Variants in WARS2 observed in about 807,000 individuals in gnomAD.
WARS2 encodes the protein tryptophan--tRNA ligase, mitochondrial.
Under a neutral mutation model 36.5 loss-of-function variants are expected in WARS2, and 28 were observed. That is an observed-to-expected ratio of 0.77 (90% CI 0.57 to 1.05). The LOEUF is 1.05. Ranked by LOEUF, WARS2 falls within the 50% of genes least tolerant of loss-of-function variation. The pLI, the probability that WARS2 is intolerant of heterozygous loss-of-function variation, is 0.00. For missense variants in WARS2, 435 were observed against 456.8 expected (o/e 0.95, Z 0.44); for synonymous variants, 174 against 178.4 (o/e 0.98, Z 0.20).
rs113752727 is a variant in WARS2, at chr1:119,088,435, A to AACACACACACACAC, written c.91-11842_91-11829dup. Among the ~76,000 whole-genome samples, 1,329 of 149,120 alleles carry AACACACACACACAC rather than the reference A, an allele frequency of 8.9e-3. 26 individuals carry two copies. Among genetic ancestry groups the AACACACACACACAC allele is most frequent in the East Asian group, 0.075 (373 of 4,986 alleles). ...CTGCCAACCTGCTAGGAAACACTGAAACACACACACACACACACACACACA... is the reference window on the plus strand; with the variant it reads ...CTGCCAACCTGCTAGGAAACACTGAAACACACACACACACACACACACACACACACACACACACA... On this transcript the variant is annotated intron_variant, in intron 1 of 5. Coordinates refer to ENST00000235521, the MANE Select transcript of WARS2 (RefSeq NM_015836.4).
chr1:119,115,304 G>T (rs140142325), intron 1 of WARS2, among the ~76,000 whole-genome samples: 1 of 151,940 alleles, frequency 6.6e-6, no homozygotes, highest in Non-Finnish European at 1.5e-5. Context: ...GTCTTTTTTT[G>T]AAGTCTATGA....
intron 1 of WARS2, among the ~76,000 whole-genome samples, chr1:119,079,965 A>G (rs1652064875): frequency 6.6e-6 from 1 of 152,158 alleles, no homozygotes; most frequent in South Asian, 2.1e-4. Flanking sequence ...TTCCTACTTG[A>G]GAATTGAGAG....
chr1:119,048,786 C>G (rs1649075593), intron 2 of WARS2, among the ~76,000 whole-genome samples: 1 of 149,590 alleles, frequency 6.7e-6, no homozygotes, highest in Non-Finnish European at 1.5e-5. Flanking sequence ...CAAGACCCGG[C>G]CAGGCGCGGT....
chr1:119,138,727 A>G (rs1033695529), intron 1 of WARS2, among the ~76,000 whole-genome samples: 58 of 152,282 alleles, frequency 3.8e-4, no homozygotes, highest in African/African-American at 1.3e-3. Context: ...CAATGACTGA[A>G]ATTATATGTA....
At chr1:119,051,021 A>G (rs12072640) in intron 2 of WARS2, among the ~76,000 whole-genome samples, 47,811 of 151,918 alleles carry the variant, frequency 0.31, 8,667 homozygotes, top group African/African-American at 0.5. Context: ...CATTTTCTGC[A>G]TTTTGCTTTT....
At chr1:119,045,521 G>T in intron 3 of WARS2, 61 bp downstream of exon 3, 2 of 1,427,688 alleles carry the variant, frequency 1.4e-6, no homozygotes, top group Admixed American at 2.0e-5. Flanking sequence ...GATTCCCAGA[G>T]CCTAACAGGA....
intron 3 of WARS2, 122 bp downstream of exon 3, chr1:119,045,460 T>TG: frequency 1.3e-6 from 1 of 781,122 alleles, no homozygotes; most frequent in Non-Finnish European, 2.1e-6. Flanking sequence ...AGGTTAAAGA[T>TG]GATGTTCCAA....
chr1:119,116,032 T>C (rs888754856), intron 1 of WARS2, among the ~76,000 whole-genome samples: 2 of 152,228 alleles, frequency 1.3e-5, no homozygotes, highest in Non-Finnish European at 2.9e-5. Context: ...TGCGCTATTG[T>C]GTAAGCATAC....
intron 2 of WARS2, among the ~76,000 whole-genome samples, chr1:119,054,303 C>A (rs1237191341): frequency 6.6e-6 from 1 of 151,846 alleles, no homozygotes; most frequent in East Asian, 1.9e-4. Flanking sequence ...GATGCCCAAT[C>A]TTACTAATAA....
intron 1 of WARS2, among the ~76,000 whole-genome samples, chr1:119,078,972 A>G (rs1373626477): frequency 6.6e-6 from 1 of 151,880 alleles, no homozygotes; most frequent in East Asian, 1.9e-4. Flanking sequence ...ACATATGCAT[A>G]TACAAAATGT....
Position 119,042,368 on chromosome 1 carries a change from G to A in WARS2, c.430-19C>T, listed in dbSNP as rs1226330039. On this transcript the variant is annotated intron_variant, in intron 3 of 5. Coordinates refer to ENST00000235521, the MANE Select transcript of WARS2 (RefSeq NM_015836.4). ...TCTTTGCCTGTGAGAGGTGAAAAGAGAGGAGGGGAAGAAATCTGAAATCTG... is the reference window on the plus strand; with the variant it reads ...TCTTTGCCTGTGAGAGGTGAAAAGAAAGGAGGGGAAGAAATCTGAAATCTG... 6.2e-7 allele frequency: 1 copy of A among 1,611,406 alleles called. No homozygotes were observed.
intron 2 of WARS2, chr1:119,063,419 G>C (rs910034915): frequency 6.6e-6 from 1 of 152,178 alleles, no homozygotes; most frequent in East Asian, 1.9e-4. Flanking sequence ...TTTCTGGGGA[G>C]AAATTCAAGC....
intron 1 of WARS2, among the ~76,000 whole-genome samples, chr1:119,098,400 G>C (rs930812148): frequency 6.6e-6 from 1 of 152,110 alleles, no homozygotes; most frequent in Non-Finnish European, 1.5e-5. Context: ...GTTCAGAGTA[G>C]ATGTTATGTG....
chr1:119,094,273 G>GT (rs1174492940), intron 1 of WARS2, among the ~76,000 whole-genome samples: 1 of 151,324 alleles, frequency 6.6e-6, no homozygotes, highest in Non-Finnish European at 1.5e-5. Flanking sequence ...ATTTCCTTTG[G>GT]TAAAAAAAAA....
At chr1:119,106,225 C>CTT (rs1654228193) in intron 1 of WARS2, among the ~76,000 whole-genome samples, 4 of 49,984 alleles carry the variant, frequency 8.0e-5, no homozygotes, top group Admixed American at 6.4e-4. Flanking sequence ...CCCATATATC[C>CTT]TGTCCCCACA....
At chr1:119,072,999 A>G (rs1449648219) in intron 2 of WARS2, among the ~76,000 whole-genome samples, 2 of 151,950 alleles carry the variant, frequency 1.3e-5, no homozygotes, top group East Asian at 1.9e-4. Flanking sequence ...TCCAAAAAAA[A>G]AGCCAGGTGT....
chr1:119,108,824 TC>T (rs1486212229), intron 1 of WARS2, among the ~76,000 whole-genome samples: 3 of 151,976 alleles, frequency 2.0e-5, no homozygotes, highest in Non-Finnish European at 2.9e-5. Context: ...TGATTTTAGA[TC>T]TTTTTCTTTT....
intron 2 of WARS2, among the ~76,000 whole-genome samples, chr1:119,057,424 G>T (rs556043889): frequency 6.6e-6 from 1 of 151,820 alleles, no homozygotes; most frequent in Non-Finnish European, 1.5e-5. Context: ...GATTACAGGC[G>T]TGAGTCACTG....
rs762630704 is a variant in WARS2 at position 119,033,093 on chromosome 1, G to C, written c.901C>G (p.Arg301Gly). The change falls in exon 6 of 6, where the codon CGC (arginine) becomes GGC (glycine). Residue 301 changes from arginine to glycine, a missense_variant. Arg to Gly is a moderately radical substitution (Grantham distance 125, BLOSUM62 -2). Coordinates refer to ENST00000235521, the MANE Select transcript of WARS2 (RefSeq NM_015836.4). ...GCATCTGCCACGGCCAGCTTGTAGCGAGCAGTGTTCATGCCCGCGCTGCGG... is the reference window on the plus strand; with the variant it reads ...GCATCTGCCACGGCCAGCTTGTAGCCAGCAGTGTTCATGCCCGCGCTGCGG... ...VRRSAGMNTA[R>G]YKLAVADAVI... 3.1e-6 allele frequency: 5 copies of C among 1,614,074 alleles called. No homozygotes were observed. The highest frequency in any genetic ancestry group is 1.3e-5 in the African/African-American group (1 of 74,942).
Sources: allele counts gnomAD v4.1 joint callset (sites outside exome capture counted in the v4.1 genomes callset), GRCh38; gene constraint gnomAD v4.1.1; transcripts MANE v1.5; gene names NCBI Gene and HGNC (gene_info 2026-07-23, HGNC 2026-07-21).